DHRS12: variants seen among roughly 807,000 people sequenced by gnomAD.
The protein encoded by DHRS12 is dehydrogenase/reductase SDR family member 12.
Under a neutral mutation model 32.1 loss-of-function variants are expected in DHRS12, and 29 were observed. The observed-to-expected ratio is 0.90, with a 90% CI of 0.67 to 1.23. The LOEUF is 1.23. Among genes scored for constraint, DHRS12 ranks in the 50% most tolerant of loss-of-function variants. The pLI, the probability that DHRS12 is intolerant of heterozygous loss-of-function variation, is 0.00. For synonymous variants in DHRS12, 150 were observed against 135.9 expected, an observed-to-expected ratio of 1.10 and a Z score of -0.72; for missense variants, 330 against 337.2, an observed-to-expected ratio of 0.98 and a Z score of 0.17.
rs1220570962 is a variant in DHRS12 at position 51,804,080 on chromosome 13, G to T, written c.-35C>A. ...TGGTGTACTCGCGCAGCCCCTTGGCGAACCACACGACGCTGCGGTACAGGG... is the reference window on the plus strand; with the variant it reads ...TGGTGTACTCGCGCAGCCCCTTGGCTAACCACACGACGCTGCGGTACAGGG... On this transcript the variant is annotated 5_prime_UTR_variant, in exon 1 of 9. Coordinates refer to ENST00000444610, the MANE Select transcript of DHRS12 (RefSeq NM_001377533.1). The T allele has an allele frequency of 2.7e-6, 4 of 1,492,584 alleles. No individual in the cohort carries two copies. Among genetic ancestry groups the T allele is most frequent in the Non-Finnish European group, 3.5e-6 (4 of 1,128,002 alleles). The allele number at this position is 1,492,584 out of a possible 1,614,324, so 92.5% of individuals were successfully genotyped here. A position where few individuals can be genotyped will look rare whatever the true frequency, so the allele number is the denominator to read the frequency against.
the DHRS12 span, among the ~76,000 whole-genome samples, chr13:51,758,612 A>G: frequency 9.9e-5 from 15 of 152,198 alleles, 1 homozygote; most frequent in East Asian, 2.7e-3. Flanking sequence ...ACCTATTACA[A>G]ACCTGATACA....
intron 4 of DHRS12, among the ~76,000 whole-genome samples, chr13:51,781,750 A>G (rs1340015482): frequency 6.6e-6 from 1 of 152,208 alleles, no homozygotes; most frequent in Non-Finnish European, 1.5e-5. Context: ...GGTAGAGGGT[A>G]GGGCAATGTG....
At chr13:51,799,473 T>A (rs1955653840) in intron 2 of DHRS12, 61 bp downstream of exon 2, 1 of 1,600,496 alleles carries the variant, frequency 6.2e-7, no homozygotes, top group Admixed American at 1.7e-5. Context: ...CCCTCCTCAG[T>A]GTGGACCGGC....
chr13:51,794,297 CAGGAGTCATGAGGTGACATCATGGGG>C (rs1391787117), intron 2 of DHRS12, among the ~76,000 whole-genome samples: 1 of 152,214 alleles, frequency 6.6e-6, no homozygotes, highest in Admixed American at 6.5e-5. Flanking sequence ...CTGTGTGACC[CAGGAGTCATGAGGTGACATCATGGGG>C]ACTGATCCCC....
At chr13:51,756,541 T>C in the DHRS12 span, 1 of 1,507,666 alleles carries the variant, frequency 6.6e-7, no homozygotes. Flanking sequence ...GCCGCAACCA[T>C]CACTCAGGTT....
chr13:51,765,487 T>C (rs1953718233), downstream of DHRS12: 1 of 152,204 alleles, frequency 6.6e-6, no homozygotes, highest in South Asian at 2.1e-4. Flanking sequence ...CCAGAGATGT[T>C]GAAAGGGAGA....
intron 2 of DHRS12, among the ~76,000 whole-genome samples, chr13:51,798,622 AGCT>A (rs942093260): frequency 4.6e-5 from 7 of 152,208 alleles, no homozygotes; most frequent in Non-Finnish European, 1.0e-4. Flanking sequence ...AGTGCTTCCC[AGCT>A]GCTAAGATGC....
At chr13:51,788,113 T>C (rs1955079571) in intron 4 of DHRS12, among the ~76,000 whole-genome samples, 1 of 151,318 alleles carries the variant, frequency 6.6e-6, no homozygotes, top group Admixed American at 6.6e-5. Context: ...TTTAATGCTC[T>C]GTGGTCGCTG....
Position 51,777,108 on chromosome 13 carries a change from G to A in DHRS12, c.315C>T (p.Leu105=), listed in dbSNP as rs1376441699. 2 of 1,613,966 alleles carry A rather than the reference G, an allele frequency of 1.2e-6. No individual in the cohort carries two copies. Among genetic ancestry groups the A allele is most frequent in the Non-Finnish European group, 1.7e-6 (2 of 1,180,040 alleles). Residue 105 remains leucine, a synonymous_variant, in exon 5 of 9, where the codon CTC becomes CTT. Transcript: ENST00000444610. ...FAANTLGVYI[L]TTGLIPVLEK... The stretch of plus-strand genomic sequence containing the variant: ...CCAGCACAGGGATCAGGCCGGTCGT[G>A]AGAATGTACACACCTGAGGCAGCAC...
At chr13:51,797,923 T>G in intron 2 of DHRS12, 1 of 1,535,642 alleles carries the variant, frequency 6.5e-7, no homozygotes, top group Non-Finnish European at 8.7e-7. Context: ...TGGAATTCAA[T>G]GAAACCATCT....
chr13:51,804,120 C>A lies in DHRS12; in HGVS notation c.-75G>T. On this transcript the variant is annotated 5_prime_UTR_variant, in exon 1 of 9. Transcript: ENST00000444610. Reference sequence around the variant, plus strand: ...GCGGTACAGGGACATGCCGGGAGCGCCCCACGCCTAGCCCCACCGCGCTCC... The same window carrying A: ...GCGGTACAGGGACATGCCGGGAGCGACCCACGCCTAGCCCCACCGCGCTCC... 1.3e-6 allele frequency: 2 copies of A among 1,482,102 alleles called. No individual in the cohort carries two copies. Among genetic ancestry groups the A allele is most frequent in the African/African-American group, 1.5e-5 (1 of 68,778 alleles). 91.8% of individuals were successfully genotyped at this position (1,482,102 alleles called of 1,614,324 possible).
chr13:51,780,430 G>C (rs574961426), intron 4 of DHRS12, among the ~76,000 whole-genome samples: 7 of 152,252 alleles, frequency 4.6e-5, no homozygotes, highest in East Asian at 1.9e-4. Context: ...AGGAGGGAAG[G>C]CACCTTCAGC....
intron 2 of DHRS12, 29 bp from the exon 3 acceptor site, chr13:51,791,286 C>T (rs778920363): frequency 9.5e-7 from 1 of 1,057,878 alleles, no homozygotes; most frequent in East Asian, 2.7e-5. Context: ...AAAAAAAAAA[C>T]CCTTTTTAAA....
At chr13:51,756,516 AGCCTT>A in the DHRS12 span, 1 of 1,566,858 alleles carries the variant, frequency 6.4e-7, no homozygotes, top group Non-Finnish European at 8.7e-7. Context: ...ATTTAATCTG[AGCCTT>A]GCACTCAGCG....
At chr13:51,798,777 C>A (rs1019607871) in intron 2 of DHRS12, among the ~76,000 whole-genome samples, 7 of 152,212 alleles carry the variant, frequency 4.6e-5, no homozygotes, top group African/African-American at 1.7e-4. Context: ...AAATTCACAA[C>A]CTAGTTCCCC....
intron 1 of DHRS12, 126 bp downstream of exon 1, chr13:51,803,928 G>A: frequency 1.1e-6 from 1 of 915,474 alleles, no homozygotes; most frequent in Non-Finnish European, 1.4e-6. Context: ...CGTCGTTCTG[G>A]ACACGCTTAG....
At chr13:51,771,078 C>T in intron 7 of DHRS12, 1 of 1,449,262 alleles carries the variant, frequency 6.9e-7, no homozygotes, top group Non-Finnish European at 9.1e-7. Flanking sequence ...CTTAGCCTCT[C>T]TGGGCCTCAG....
chr13:51,785,804 A>G (rs1294777461), intron 4 of DHRS12, among the ~76,000 whole-genome samples: 1 of 152,236 alleles, frequency 6.6e-6, no homozygotes, highest in Non-Finnish European at 1.5e-5. Context: ...AGCTGATGAT[A>G]CAACCCTACA....
intron 4 of DHRS12, among the ~76,000 whole-genome samples, chr13:51,780,580 G>A (rs527298127): frequency 6.6e-5 from 10 of 152,288 alleles, no homozygotes; most frequent in South Asian, 2.1e-4. Flanking sequence ...GGTTCATTAC[G>A]AGAAAGAGAT....
Sources: allele counts gnomAD v4.1 joint callset (sites outside exome capture counted in the v4.1 genomes callset), GRCh38; gene constraint gnomAD v4.1.1; transcripts MANE v1.5; gene names NCBI Gene and HGNC (gene_info 2026-07-23, HGNC 2026-07-21).